The following SLIT2 variants were observed in gnomAD, a reference collection of about 807,000 sequenced individuals.
The protein encoded by SLIT2 is slit guidance ligand 2, also known as slit homolog 2 protein.
SLIT2 carries 41 observed loss-of-function variants against 185.7 expected under a neutral mutation model. The ratio of observed to expected loss-of-function variants is 0.22; its 90% confidence interval spans 0.17 to 0.29. SLIT2 has a LOEUF of 0.29. Ranked by LOEUF, SLIT2 falls within the 10% of genes least tolerant of loss-of-function variation. The pLI is 1.00. For missense variants in SLIT2, 1,571 were observed against 1,909.0 expected, an observed-to-expected ratio of 0.82 and a Z score of 3.30; for synonymous variants, 693 against 680.2, an observed-to-expected ratio of 1.02 and a Z score of -0.29.
At chr4:20,546,576 AT>A (rs1723268250) in intron 22 of SLIT2, among the ~76,000 whole-genome samples, 1 of 152,146 alleles carries the variant, frequency 6.6e-6, no homozygotes, top group Admixed American at 6.6e-5. Flanking sequence ...ATTAAAATGT[AT>A]TTTAGAAAAT....
chr4:20,408,986 C>G (rs1034576448), intron 4 of SLIT2, among the ~76,000 whole-genome samples: 1 of 151,414 alleles, frequency 6.6e-6, no homozygotes, highest in Non-Finnish European at 1.5e-5. Flanking sequence ...TATGCATTTG[C>G]ATGTAATTTC....
At chr4:20,514,261 T>C (rs995688341) in intron 11 of SLIT2, among the ~76,000 whole-genome samples, 4 of 152,178 alleles carry the variant, frequency 2.6e-5, no homozygotes, top group Non-Finnish European at 5.9e-5. Flanking sequence ...TATAGCCAGA[T>C]TAATATAATC....
intron 4 of SLIT2, among the ~76,000 whole-genome samples, chr4:20,462,227 C>T (rs1477526663): frequency 6.6e-6 from 1 of 152,152 alleles, no homozygotes; most frequent in East Asian, 1.9e-4. Context: ...GGAAGCCTTT[C>T]CAGCTCCCCT....
intron 19 of SLIT2, among the ~76,000 whole-genome samples, chr4:20,540,933 C>T (rs184586085): frequency 1.4e-4 from 21 of 152,264 alleles, no homozygotes; most frequent in Admixed American, 1.4e-3. Flanking sequence ...GGCATTTAAT[C>T]AACTCAGCTG....
chr4:20,496,149 A>T (rs556832674), intron 9 of SLIT2, among the ~76,000 whole-genome samples: 26 of 152,220 alleles, frequency 1.7e-4, no homozygotes, highest in Admixed American at 3.9e-4. Flanking sequence ...TAATGAAAAG[A>T]AAGTATATGT....
intron 4 of SLIT2, among the ~76,000 whole-genome samples, chr4:20,295,361 A>G (rs1385564889): frequency 6.6e-6 from 1 of 152,234 alleles, no homozygotes; most frequent in Non-Finnish European, 1.5e-5. Context: ...CTTTGTTGGT[A>G]AAAATGATTT....
At chr4:20,606,767 G>A (rs983165709) in intron 33 of SLIT2, among the ~76,000 whole-genome samples, 10 of 152,090 alleles carry the variant, frequency 6.6e-5, no homozygotes, top group African/African-American at 2.4e-4. Context: ...CTTATTGTAA[G>A]ATCATTACTT....
chr4:20,568,771 G>C (rs1725312514), intron 28 of SLIT2, 94 bp from the exon 29 acceptor site: 1 of 1,093,660 alleles, frequency 9.1e-7, no homozygotes. Flanking sequence ...CTCTATGGTT[G>C]ATGAGTGTAA....
intron 4 of SLIT2, among the ~76,000 whole-genome samples, chr4:20,313,493 T>G (rs1718299227): frequency 6.6e-6 from 1 of 151,848 alleles, no homozygotes; most frequent in African/African-American, 2.4e-5. Flanking sequence ...ACACTGGAGG[T>G]CACATTTCAA....
At chr4:20,520,577 C>T (rs891140922) in intron 12 of SLIT2, among the ~76,000 whole-genome samples, 3 of 152,204 alleles carry the variant, frequency 2.0e-5, no homozygotes, top group African/African-American at 7.2e-5. Context: ...CCACAATCTT[C>T]ATGTATATAT....
chr4:20,439,304 A>G (rs1258072699), intron 4 of SLIT2, among the ~76,000 whole-genome samples: 1 of 152,174 alleles, frequency 6.6e-6, no homozygotes, highest in African/African-American at 2.4e-5. Context: ...TAAACAAAAG[A>G]AATTTATTGT....
intron 4 of SLIT2, among the ~76,000 whole-genome samples, chr4:20,390,190 A>G (rs1725302031): frequency 6.6e-6 from 1 of 152,102 alleles, no homozygotes; most frequent in African/African-American, 2.4e-5. Context: ...AGAATACCTT[A>G]TTCTAAAATG....
chr4:20,613,467 G>A (rs1000054969), intron 34 of SLIT2, among the ~76,000 whole-genome samples: 2 of 152,130 alleles, frequency 1.3e-5, no homozygotes, highest in Admixed American at 1.3e-4. Flanking sequence ...AGAACACATG[G>A]ACACAGAGAG....
intron 4 of SLIT2, among the ~76,000 whole-genome samples, chr4:20,444,010 A>G (rs947881655): frequency 6.6e-6 from 1 of 152,152 alleles, no homozygotes; most frequent in African/African-American, 2.4e-5. Flanking sequence ...CAAATGCTGG[A>G]AGGGGTATGT....
rs1187308212 is a variant in SLIT2, at chr4:20,619,042, G to A, written c.*33G>A. The A allele has an allele frequency of 6.3e-7, 1 of 1,596,882 alleles. No individual in the cohort carries two copies. The highest frequency in any genetic ancestry group is 8.6e-7 in the Non-Finnish European group (1 of 1,166,400). On this transcript the variant is annotated 3_prime_UTR_variant, in exon 37 of 37. Transcript: ENST00000504154. Reference sequence around the variant, plus strand: ...CCCGGCAGCTCTGTCTTTGGAAAAGGTTGTATACTTCTTGACCGTGTGGGA... The same window carrying A: ...CCCGGCAGCTCTGTCTTTGGAAAAGATTGTATACTTCTTGACCGTGTGGGA...
rs114733023 is a variant in SLIT2 at position 20,529,855 on chromosome 4, G to A, written c.1613+756G>A. Among the ~76,000 whole-genome samples the A allele has an allele frequency of 3.0e-3, 451 of 152,160 alleles. 1 individual carries two copies. Among genetic ancestry groups the A allele is most frequent in the African/African-American group, 0.01 (430 of 41,508 alleles). The stretch of plus-strand genomic sequence containing the variant: ...AACATCTTAGCCATGTTTATATATA[G>A]CACCATCTGGTATTTGTCATTTACT... On this transcript the variant is annotated intron_variant, in intron 16 of 36. Coordinates refer to ENST00000504154, the MANE Select transcript of SLIT2 (RefSeq NM_004787.4).
Position 20,302,646 on chromosome 4 carries a change from G to A in SLIT2, c.395+33765G>A, listed in dbSNP as rs547520452. On this transcript the variant is annotated intron_variant, in intron 4 of 36. Transcript: ENST00000504154. ...AAAAAGGGGGATATATTTAAGGAGG[G>A]AGGTTAAGGAGAGGGTGTAACATCC... Among the ~76,000 whole-genome samples the A allele has an allele frequency of 7.2e-5, 11 of 152,258 alleles. No homozygotes were observed. The South Asian group carries it at 2.3e-3, about 32-fold the overall frequency.
At chr4:20,600,324 G>A (rs956140704) in intron 33 of SLIT2, among the ~76,000 whole-genome samples, 23 of 150,570 alleles carry the variant, frequency 1.5e-4, no homozygotes, top group Non-Finnish European at 3.0e-4. Flanking sequence ...CTACCATAAC[G>A]AGTTTGTTTG....
chr4:20,592,486 C>T (rs1727588979), intron 30 of SLIT2, among the ~76,000 whole-genome samples: 1 of 152,064 alleles, frequency 6.6e-6, no homozygotes, highest in Admixed American at 6.6e-5. Context: ...TTTTGAAACT[C>T]AGTCTGAGGA....
Sources: allele counts gnomAD v4.1 joint callset (sites outside exome capture counted in the v4.1 genomes callset), GRCh38; gene constraint gnomAD v4.1.1; transcripts MANE v1.5; gene names NCBI Gene and HGNC (gene_info 2026-07-23, HGNC 2026-07-21).